Variants in NPHP1 observed in about 807,000 individuals in gnomAD.
The protein encoded by NPHP1 is nephrocystin-1.
A neutral mutation model predicts 90.4 loss-of-function variants in NPHP1; 70 were observed. The ratio of observed to expected loss-of-function variants is 0.77; its 90% CI spans 0.64 to 0.95. NPHP1 has a LOEUF of 0.95. NPHP1 is among the 40% of genes least tolerant of loss of function. NPHP1 has a pLI of 0.00. For missense variants in NPHP1, 764 were observed against 795.9 expected (o/e 0.96, Z 0.48); for synonymous variants, 256 against 271.7 (o/e 0.94, Z 0.57).
chr2:110,148,348 C>T (rs1681222080), intron 12 of NPHP1, among the ~76,000 whole-genome samples: 1 of 152,140 alleles, frequency 6.6e-6, no homozygotes, highest in Admixed American at 6.6e-5. Flanking sequence ...TTCCTGAGGC[C>T]TCCCTAGAAG....
chr2:110,200,380 G>A (rs928767375), intron 2 of NPHP1, among the ~76,000 whole-genome samples: 2 of 152,022 alleles, frequency 1.3e-5, no homozygotes, highest in African/African-American at 2.4e-5. Flanking sequence ...CCTGGCCAAC[G>A]TGATGAAACC....
chr2:110,190,132 C>A (rs1684602017), intron 2 of NPHP1, among the ~76,000 whole-genome samples: 1 of 152,206 alleles, frequency 6.6e-6, no homozygotes, highest in Non-Finnish European at 1.5e-5. Flanking sequence ...TAAAGGTTCT[C>A]CACATCCCCA....
At chr2:110,194,912 G>A (rs529705831) in intron 2 of NPHP1, among the ~76,000 whole-genome samples, 1 of 76,438 alleles carries the variant, frequency 1.3e-5, no homozygotes, top group South Asian at 8.0e-4. Context: ...AAAACCACAT[G>A]ATTATCTCAA....
chr2:110,153,661 C>T (rs1350118039), intron 11 of NPHP1, among the ~76,000 whole-genome samples: 1 of 152,084 alleles, frequency 6.6e-6, no homozygotes, highest in Admixed American at 6.6e-5. Context: ...ATCAACACTA[C>T]AGATAACTCA....
intron 1 of NPHP1, among the ~76,000 whole-genome samples, chr2:110,203,601 G>C (rs1277027790): frequency 1.3e-5 from 2 of 151,712 alleles, no homozygotes; most frequent in African/African-American, 4.8e-5. Flanking sequence ...CTTTAAACAA[G>C]AGAACAAAAA....
chr2:110,126,481 T>C (rs976605176), intron 18 of NPHP1: 2 of 152,386 alleles, frequency 1.3e-5, no homozygotes, highest in African/African-American at 2.4e-5. Flanking sequence ...CAGCAGGAGA[T>C]AACAGACTAT....
intron 19 of NPHP1, chr2:110,124,487 G>T: frequency 3.6e-6 from 1 of 275,440 alleles, no homozygotes; most frequent in South Asian, 4.5e-5. Flanking sequence ...ATTGTAGCAG[G>T]TGTTCTGCAT....
intron 2 of NPHP1, among the ~76,000 whole-genome samples, chr2:110,197,366 AG>A (rs1685243017): frequency 6.6e-6 from 1 of 152,092 alleles, no homozygotes; most frequent in African/African-American, 2.4e-5. Flanking sequence ...GTAGCAAAAG[AG>A]AAGGGGAAAC....
chr2:110,189,582 A>C (rs1684545286), intron 2 of NPHP1, among the ~76,000 whole-genome samples: 1 of 152,108 alleles, frequency 6.6e-6, no homozygotes, highest in South Asian at 2.1e-4. Context: ...CAAAGCTTCC[A>C]CAGTGTGGAA....
intron 2 of NPHP1, among the ~76,000 whole-genome samples, chr2:110,185,689 T>G (rs932818035): frequency 4.6e-5 from 7 of 152,160 alleles, no homozygotes; most frequent in Admixed American, 1.3e-4. Flanking sequence ...GGTTGACCTC[T>G]GTCTGGTTTT....
chr2:110,189,565 G>A lies in NPHP1; in HGVS notation c.144-9881C>T, dbSNP rs577257571. Among the ~76,000 whole-genome samples, 6 of 152,174 alleles carry A rather than the reference G, an allele frequency of 3.9e-5. No homozygotes were observed. The South Asian group carries it at 6.2e-4, about 16-fold the overall frequency. ...AGTAGCAAGATTTATTGCAAACAGC[G>A]AAAGAACAAAGCTTCCACAGTGTGG... On this transcript the variant is annotated intron_variant, in intron 2 of 19. Coordinates refer to ENST00000445609, the MANE Select transcript of NPHP1 (RefSeq NM_001128178.3).
At chr2:110,201,989 ATAAAT>A (rs1324424913) in intron 1 of NPHP1, among the ~76,000 whole-genome samples, 1 of 152,164 alleles carries the variant, frequency 6.6e-6, no homozygotes, top group Non-Finnish European at 1.5e-5. Flanking sequence ...TTTTTCCAAC[ATAAAT>A]TAGTTTTGCC....
chr2:110,169,854 G>T lies in NPHP1; in HGVS notation c.474C>A (p.Ile158=). 6.2e-7 allele frequency: 1 copy of T among 1,613,594 alleles called. No homozygotes were observed. The highest frequency in any genetic ancestry group is 8.5e-7 in the Non-Finnish European group (1 of 1,179,742). ...GCTGAGCAGTAAAATCTCCAACAGC[G>T]ATGTATTCTTCACCGGTTGACCATT... ...SHKWSTGEEY[I]AVGDFTAQQV... Residue 158 remains isoleucine, a synonymous_variant, in exon 5 of 20, where the codon ATC becomes ATA. Transcript: ENST00000445609.
intron 2 of NPHP1, among the ~76,000 whole-genome samples, chr2:110,181,204 T>C (rs1683884175): frequency 1.3e-5 from 2 of 152,186 alleles, no homozygotes; most frequent in Non-Finnish European, 2.9e-5. Flanking sequence ...TTAGCCATTC[T>C]AGCCTGCTGG....
rs1433333857 is a variant in NPHP1 at position 110,179,607 on chromosome 2, T to C, written c.204+17A>G. ...AGGAAGAGATGTTTTAATAATGTGATTAACCTCAATACTTACTTTGCTTAA... is the reference window on the plus strand; with the variant it reads ...AGGAAGAGATGTTTTAATAATGTGACTAACCTCAATACTTACTTTGCTTAA... On this transcript the variant is annotated intron_variant, in intron 3 of 19. Transcript: ENST00000445609. The C allele has an allele frequency of 8.3e-7, 1 of 1,198,056 alleles. No individual in the cohort carries two copies. The highest frequency in any genetic ancestry group is 1.5e-5 in the African/African-American group (1 of 66,904). The allele number at this position is 1,198,056 out of a possible 1,614,324, so 74.2% of individuals were successfully genotyped here.
At chr2:110,127,926 G>A (rs753351774) in intron 18 of NPHP1, 1 of 152,106 alleles carries the variant, frequency 6.6e-6, no homozygotes, top group Non-Finnish European at 1.5e-5. Flanking sequence ...AAGAATCAGT[G>A]TATATATGTT....
chr2:110,142,803 A>G (rs562295100), intron 16 of NPHP1, among the ~76,000 whole-genome samples: 1 of 152,336 alleles, frequency 6.6e-6, no homozygotes, highest in East Asian at 1.9e-4. Flanking sequence ...ATCTGTACTG[A>G]AGTATAGTGT....
intron 2 of NPHP1, among the ~76,000 whole-genome samples, chr2:110,192,267 T>G (rs1218125081): frequency 6.6e-6 from 1 of 152,108 alleles, no homozygotes; most frequent in Admixed American, 6.6e-5. Flanking sequence ...GAAAAAAGAT[T>G]AGACGAATGG....
chr2:110,183,996 T>C (rs1684097615), intron 2 of NPHP1: 1 of 364,090 alleles, frequency 2.7e-6, no homozygotes, highest in Non-Finnish European at 5.5e-6. Context: ...AAGAAATTCA[T>C]GAATGGCACT....
Sources: gnomAD v4.1 joint callset for allele counts (sites outside exome capture counted in the v4.1 genomes callset) on GRCh38, gnomAD v4.1.1 for gene constraint, MANE v1.5 for transcripts, NCBI Gene and HGNC (gene_info 2026-07-23, HGNC 2026-07-21) for gene names.